The following NAV2 variants were observed in gnomAD, a reference collection of about 807,000 sequenced individuals.
NAV2 encodes the protein neuron navigator 2, also known as helicase, APC down-regulated 1.
A neutral mutation model predicts 223.2 loss-of-function variants in NAV2; 54 were observed. The ratio of observed to expected loss-of-function variants is 0.24; its 90% CI spans 0.19 to 0.30. The LOEUF (loss-of-function observed/expected upper bound fraction) is 0.30. NAV2 is among the 10% of genes least tolerant of loss of function. NAV2 has a pLI of 1.00. For missense variants in NAV2, 2,806 were observed against 3,147.5 expected, an observed-to-expected ratio of 0.89 and a Z score of 2.60; for synonymous variants, 1,279 against 1,239.3, an observed-to-expected ratio of 1.03 and a Z score of -0.67.
At chr11:20,011,021 T>C (rs1209164967) in intron 11 of NAV2, among the ~76,000 whole-genome samples, 1 of 152,232 alleles carries the variant, frequency 6.6e-6, no homozygotes, top group African/African-American at 2.4e-5. Flanking sequence ...CTCTCTAGTC[T>C]CTTCCTCTCC....
At chr11:19,917,169 G>C (rs954685351) in intron 6 of NAV2, among the ~76,000 whole-genome samples, 1 of 152,156 alleles carries the variant, frequency 6.6e-6, no homozygotes, top group Admixed American at 6.5e-5. Context: ...TATGGAACCT[G>C]CCTCAGGATT....
At position 19,390,572 on chromosome 11, in the gene NAV2, T is replaced by C. The variant is rs185166909; in HGVS notation, c.75+39545T>C. ...AAATAAATAAATCATAAAGTTTCAG[T>C]TGGGGGGAATGAAACATCAAACCAA... is the stretch of plus-strand genomic sequence containing the variant. On this transcript the variant is annotated intron_variant, in intron 1 of 37. Transcript: ENST00000360655. Among the ~76,000 whole-genome samples, 240 of 152,162 alleles carry C rather than the reference T, an allele frequency of 1.6e-3. 1 individual carries two copies. The highest frequency in any genetic ancestry group is 5.3e-3 in the African/African-American group (221 of 41,500).
intron 1 of NAV2, among the ~76,000 whole-genome samples, chr11:19,567,620 GC>G (rs1229491517): frequency 1.3e-5 from 2 of 152,024 alleles, no homozygotes; most frequent in African/African-American, 2.4e-5. Flanking sequence ...GGTGAGCCAG[GC>G]CCCCCTTTGT....
chr11:19,507,751 G>A (rs979577530), intron 1 of NAV2, among the ~76,000 whole-genome samples: 2 of 152,128 alleles, frequency 1.3e-5, no homozygotes. Flanking sequence ...TCCATTTATT[G>A]AAGGCTTCCA....
intron 26 of NAV2, 62 bp from the exon 27 acceptor site, chr11:20,090,803 A>C: frequency 1.9e-6 from 3 of 1,543,064 alleles, no homozygotes; most frequent in Non-Finnish European, 2.7e-6. Context: ...ATTGATGTGG[A>C]CCAGTGTTCA....
At chr11:19,448,686 T>C (rs559385504) in intron 1 of NAV2, among the ~76,000 whole-genome samples, 8 of 152,356 alleles carry the variant, frequency 5.3e-5, no homozygotes, top group Middle Eastern at 3.4e-3. Context: ...ATCTGTAAAA[T>C]GGGATTACAT....
chr11:19,948,891 G>A lies in NAV2; in HGVS notation c.2456G>A (p.Gly819Asp), dbSNP rs2047153796. 2 of 1,614,092 alleles carry A rather than the reference G, an allele frequency of 1.2e-6. No individual in the cohort carries two copies. Among genetic ancestry groups the A allele is most frequent in the African/African-American group, 1.3e-5 (1 of 75,014 alleles). Residue 819 changes from glycine (G) to aspartate (D), a missense_variant, in exon 10 of 38, where the codon GGT becomes GAT. Coordinates refer to ENST00000349880, the MANE Select transcript of NAV2 (RefSeq NM_145117.5). ...AGCAGGTTCATCAACACTGAGTCAG[G>A]TCGCTATGTGTACTCCGCCCCTCTG... is the stretch of plus-strand genomic sequence containing the variant. ...NASRFINTES[G>D]RYVYSAPLRR...
intron 1 of NAV2, among the ~76,000 whole-genome samples, chr11:19,597,272 AT>A (rs2046229235): frequency 6.6e-6 from 1 of 152,202 alleles, no homozygotes; most frequent in African/African-American, 2.4e-5. Context: ...CAATAAATCT[AT>A]TTATGAAAGA....
At chr11:20,014,118 G>C (rs925608774) in intron 11 of NAV2, among the ~76,000 whole-genome samples, 6 of 152,154 alleles carry the variant, frequency 3.9e-5, no homozygotes, top group Admixed American at 3.3e-4. Flanking sequence ...GTCGCAGTCT[G>C]CCTAGGGGCT....
At chr11:19,961,478 A>ATGTGTGC in intron 10 of NAV2, among the ~76,000 whole-genome samples, 1 of 152,326 alleles carries the variant, frequency 6.6e-6, no homozygotes, top group South Asian at 2.1e-4. Flanking sequence ...ACAGAAGGCT[A>ATGTGTGC]TGTGTGCCTG....
chr11:19,879,577 C>T (rs930175373), intron 4 of NAV2, among the ~76,000 whole-genome samples: 2 of 152,182 alleles, frequency 1.3e-5, no homozygotes, highest in South Asian at 4.1e-4. Flanking sequence ...AGAACAAGCA[C>T]GGTCTTGCTC....
intron 1 of NAV2, among the ~76,000 whole-genome samples, chr11:19,772,014 G>A (rs563139013): frequency 5.3e-5 from 8 of 152,270 alleles, no homozygotes; most frequent in African/African-American, 1.7e-4. Flanking sequence ...CTTCCTTGTC[G>A]CTGGCTTGTG....
chr11:19,746,343 C>T (rs2053338433), intron 1 of NAV2, among the ~76,000 whole-genome samples: 1 of 150,652 alleles, frequency 6.6e-6, no homozygotes. Flanking sequence ...AAATCTCTCC[C>T]CAAGTAACTG....
At chr11:19,361,492 T>C (rs1244227674) in intron 1 of NAV2, among the ~76,000 whole-genome samples, 2 of 151,990 alleles carry the variant, frequency 1.3e-5, no homozygotes, top group Non-Finnish European at 2.9e-5. Flanking sequence ...GTATCTAGGT[T>C]GCTTTTGGGG....
At chr11:19,761,372 G>T (rs1346052393) in intron 1 of NAV2, among the ~76,000 whole-genome samples, 1 of 152,180 alleles carries the variant, frequency 6.6e-6, no homozygotes, top group Non-Finnish European at 1.5e-5. Flanking sequence ...TTATTTCAGT[G>T]AGCGACAAGT....
chr11:19,569,878 G>A (rs939420028), intron 1 of NAV2, among the ~76,000 whole-genome samples: 1 of 152,156 alleles, frequency 6.6e-6, no homozygotes, highest in African/African-American at 2.4e-5. Flanking sequence ...GCTTTATAAG[G>A]AAGGAAAGTA....
intron 1 of NAV2, among the ~76,000 whole-genome samples, chr11:19,728,209 G>A (rs1208032468): frequency 6.6e-6 from 1 of 152,216 alleles, no homozygotes; most frequent in Non-Finnish European, 1.5e-5. Flanking sequence ...AGACAGTATG[G>A]TGAGCCTGAA....
At chr11:20,027,789 A>T (rs1338819923) in intron 11 of NAV2, 1 of 152,204 alleles carries the variant, frequency 6.6e-6, no homozygotes, top group Non-Finnish European at 1.5e-5. Context: ...AAACAACATT[A>T]TCTCACAGGG....
Position 20,082,901 on chromosome 11 carries a change from G to A in NAV2, c.5326-106G>A, listed in dbSNP as rs991621451. 6 of 1,113,756 alleles carry A rather than the reference G, an allele frequency of 5.4e-6. No homozygotes were observed. In the African/African-American group the frequency reaches 7.8e-5, roughly 15 times the overall value. The allele number at this position is 1,113,756 out of a possible 1,614,324, so 69.0% of individuals were successfully genotyped here. A position where few individuals can be genotyped will look rare whatever the true frequency, so the allele number is the denominator to read the frequency against. On this transcript the variant is annotated intron_variant, in intron 25 of 37. Coordinates refer to ENST00000349880, the MANE Select transcript of NAV2 (RefSeq NM_145117.5). ...TGGGAACCTCTTCCATTGGTGGGGG[G>A]AAAAACATGGGAGAATTAATCGCTT... is the stretch of plus-strand genomic sequence containing the variant.
Sources: allele counts gnomAD v4.1 joint callset (sites outside exome capture counted in the v4.1 genomes callset), GRCh38; gene constraint gnomAD v4.1.1; transcripts MANE v1.5; gene names NCBI Gene and HGNC (gene_info 2026-07-23, HGNC 2026-07-21).